CCDC33: variants seen among roughly 807,000 people sequenced by gnomAD.
The protein encoded by CCDC33 is coiled-coil domain containing 33.
Under a neutral mutation model 91.9 loss-of-function variants are expected in CCDC33, and 94 were observed. The ratio of observed to expected loss-of-function variants is 1.02; its 90% confidence interval spans 0.87 to 1.21. CCDC33 has a LOEUF of 1.21. Ranked by LOEUF, CCDC33 falls within the 50% of genes most tolerant of loss-of-function variation. The pLI is 0.00. For missense variants in CCDC33, 940 were observed against 935.5 expected, an observed-to-expected ratio of 1.00 and a Z score of -0.06; for synonymous variants, 396 against 374.5, an observed-to-expected ratio of 1.06 and a Z score of -0.66.
Position 74,262,574 on chromosome 15 carries a change from G to C in CCDC33, c.319+1G>C, listed in dbSNP as rs902163387. Reference sequence around the variant, plus strand: ...CAAGCTGAGGATGCAGGGCAAGAAGGTAAGCAGGGGCTGGGCAGGGCCGGC... The same window carrying C: ...CAAGCTGAGGATGCAGGGCAAGAAGCTAAGCAGGGGCTGGGCAGGGCCGGC... On this transcript the variant is annotated splice_donor_variant, in intron 3 of 18. Transcript: ENST00000398814. LOFTEE classifies it high-confidence loss of function. 33 of 1,611,994 alleles carry C rather than the reference G, an allele frequency of 2.0e-5. No homozygotes were observed. Among genetic ancestry groups the C allele is most frequent in the Non-Finnish European group, 2.4e-5 (28 of 1,179,248 alleles).
chr15:74,224,549 T>A (rs931575972), intron 2 of CCDC33, among the ~76,000 whole-genome samples: 24 of 152,152 alleles, frequency 1.6e-4, no homozygotes, highest in Non-Finnish European at 2.9e-4. Flanking sequence ...GATTTGGGAT[T>A]CAACCAGCTT....
chr15:74,309,744 CTATT>C (rs1181082916), intron 11 of CCDC33, among the ~76,000 whole-genome samples: 1 of 152,168 alleles, frequency 6.6e-6, no homozygotes, highest in Non-Finnish European at 1.5e-5. Context: ...TTCAGGGAAT[CTATT>C]TATCCACTAC....
upstream of CCDC33, among the ~76,000 whole-genome samples, chr15:74,231,764 C>G (rs542630014): frequency 1.2e-4 from 18 of 152,118 alleles, no homozygotes; most frequent in Admixed American, 1.2e-3. Context: ...GCCTGTAATC[C>G]CAGCAATTTG....
chr15:74,284,550 G>A (rs1306675705), intron 10 of CCDC33, among the ~76,000 whole-genome samples: 2 of 152,050 alleles, frequency 1.3e-5, no homozygotes, highest in African/African-American at 2.4e-5. Flanking sequence ...AGCAATTGCT[G>A]TTCTGGATTT....
chr15:74,270,935 G>A (rs770865743), intron 5 of CCDC33, among the ~76,000 whole-genome samples: 1 of 152,184 alleles, frequency 6.6e-6, no homozygotes, highest in Non-Finnish European at 1.5e-5. Flanking sequence ...AGGCAGGGAA[G>A]CCTTTAGGGG....
chr15:74,250,437 TC>T (rs1026274354), intron 2 of CCDC33, among the ~76,000 whole-genome samples: 2 of 152,022 alleles, frequency 1.3e-5, no homozygotes, highest in African/African-American at 4.8e-5. Context: ...CCCTGTTCCC[TC>T]CCACCCTAGG....
intron 4 of CCDC33, among the ~76,000 whole-genome samples, chr15:74,267,748 C>G (rs1324183507): frequency 6.6e-6 from 1 of 150,872 alleles, no homozygotes; most frequent in Non-Finnish European, 1.5e-5. Context: ...CCTCCATCCT[C>G]ACTGGCAAAG....
chr15:74,320,957 C>T (rs1395601090), intron 11 of CCDC33, among the ~76,000 whole-genome samples: 1 of 152,134 alleles, frequency 6.6e-6, no homozygotes, highest in African/African-American at 2.4e-5. Flanking sequence ...TGGGCAGTGG[C>T]AAAGAACTGA....
At chr15:74,324,344 C>T (rs1479699709) in intron 11 of CCDC33, among the ~76,000 whole-genome samples, 1 of 152,010 alleles carries the variant, frequency 6.6e-6, no homozygotes, top group African/African-American at 2.4e-5. Context: ...CTCCACCTGC[C>T]CCTATCTCTG....
chr15:74,291,314 C>CGGG lies in CCDC33; in HGVS notation c.1096-4438_1096-4436dup, dbSNP rs762608400. 9.8e-5 allele frequency among the ~76,000 whole-genome samples: 15 copies of CGGG among 152,366 alleles called. No individual in the cohort carries two copies. The East Asian group carries it at 2.7e-3, about 27-fold the overall frequency. On this transcript the variant is annotated intron_variant, in intron 10 of 18. Coordinates refer to ENST00000398814, the MANE Select transcript of CCDC33 (RefSeq NM_025055.5). Reference sequence around the variant, plus strand: ...AGGAAATGACAAAGCAGTGACTGATCGGGGAACTGCTGCACAGGGCTCATT... The same window carrying CGGG: ...AGGAAATGACAAAGCAGTGACTGATCGGGGGGGAACTGCTGCACAGGGCTCATT...
intron 7 of CCDC33, among the ~76,000 whole-genome samples, chr15:74,276,146 T>C (rs1054864255): frequency 2.0e-5 from 3 of 152,204 alleles, no homozygotes; most frequent in African/African-American, 7.2e-5. Flanking sequence ...TGGAAGGTTA[T>C]GGAGGCGGAG....
chr15:74,235,227 C>T (rs2075112083), upstream of CCDC33, among the ~76,000 whole-genome samples: 1 of 152,188 alleles, frequency 6.6e-6, no homozygotes, highest in South Asian at 2.1e-4. Context: ...ACTACCATCC[C>T]CCACCAGTGT....
chr15:74,333,455 G>A (rs2060485715), intron 16 of CCDC33: 1 of 719,198 alleles, frequency 1.4e-6, no homozygotes, highest in African/African-American at 1.8e-5. Context: ...CAGGGGCACA[G>A]GAGAGTTTTC....
At chr15:74,330,773 C>T (rs2060415425) in intron 13 of CCDC33, 22 bp downstream of exon 13, 1 of 1,597,566 alleles carries the variant, frequency 6.3e-7, no homozygotes, top group Non-Finnish European at 8.6e-7. Flanking sequence ...CTTGTGGGGG[C>T]AGAGGGGAGG....
At position 74,276,785 on chromosome 15, in the gene CCDC33, A is replaced by G. The variant is rs547921265; in HGVS notation, c.760-3178A>G. ...CTGCCCCTTCCCACCTCCAGCCTCC[A>G]CCTCTGCTGCACTCGCAGTCTGGAA... On this transcript the variant is annotated intron_variant, in intron 7 of 18. Coordinates refer to ENST00000398814, the MANE Select transcript of CCDC33 (RefSeq NM_025055.5). 1.3e-5 allele frequency among the ~76,000 whole-genome samples: 2 copies of G among 151,820 alleles called. 1 individual carries two copies. The highest frequency in any genetic ancestry group is 3.9e-4 in the East Asian group (2 of 5,152).
At position 74,335,918 on chromosome 15, in the gene CCDC33, A is replaced by G; in HGVS notation, c.2140-7A>G. ...GGTACTCACGCACCCCGCTTTGCAC[A>G]CCACAGAGTGCCCTCACCCACTCCA... On this transcript the variant is annotated splice_region_variant and splice_polypyrimidine_tract_variant and intron_variant, in intron 18 of 18. Coordinates refer to ENST00000398814, the MANE Select transcript of CCDC33 (RefSeq NM_025055.5). 3 of 1,611,796 alleles carry G rather than the reference A, an allele frequency of 1.9e-6. No individual in the cohort carries two copies. The highest frequency in any genetic ancestry group is 2.5e-6 in the Non-Finnish European group (3 of 1,178,270).
At chr15:74,304,949 CT>C (rs5813756) in intron 11 of CCDC33, among the ~76,000 whole-genome samples, 70,875 of 146,638 alleles carry the variant, frequency 0.48, 19,473 homozygotes, top group Non-Finnish European at 0.63. Context: ...TCTTCTTCTT[CT>C]TTTTTTTTTT....
chr15:74,332,275 G>A (rs2060455683), intron 15 of CCDC33, among the ~76,000 whole-genome samples: 1 of 152,136 alleles, frequency 6.6e-6, no homozygotes, highest in South Asian at 2.1e-4. Flanking sequence ...GTTTCTAGGA[G>A]CCTTTAGAAT....
chr15:74,236,613 C>T lies in CCDC33; in HGVS notation c.-107C>T, dbSNP rs142224506. The T allele has an allele frequency of 3.0e-3, 3,030 of 1,002,916 alleles. 20 individuals are homozygous for T. The highest frequency in any genetic ancestry group is 0.012 in the Middle Eastern group (52 of 4,398). 62.1% of individuals were successfully genotyped at this position (1,002,916 alleles called of 1,614,324 possible). A position where few individuals can be genotyped will look rare whatever the true frequency, so the allele number is the denominator to read the frequency against. ...TCTACTACCCATAAGGACTCCAAGA[C>T]GCCCAGGCCAGCTGTCTGGGCAGGA... On this transcript the variant is annotated 5_prime_UTR_variant, in exon 1 of 19. In the 5' UTR this introduces an upstream ATG that the reference lacks. Transcript: ENST00000398814.
Sources: gnomAD v4.1 joint callset for allele counts (sites outside exome capture counted in the v4.1 genomes callset) on GRCh38, gnomAD v4.1.1 for gene constraint, MANE v1.5 for transcripts, NCBI Gene and HGNC (gene_info 2026-07-23, HGNC 2026-07-21) for gene names.